The following ATR variants were observed in gnomAD, a reference collection of about 807,000 sequenced individuals.
ATR encodes serine/threonine-protein kinase ATR.
In ATR, 142 loss-of-function variants were observed where a neutral mutation model predicts 305.3. The ratio of observed to expected loss-of-function variants is 0.47; its 90% CI spans 0.41 to 0.53. The LOEUF (loss-of-function observed/expected upper bound fraction) is 0.53. ATR is among the 20% of genes least tolerant of loss of function. The pLI is 0.00. For missense variants in ATR, 2,135 were observed against 3,133.1 expected (o/e 0.68, Z 7.60); for synonymous variants, 1,050 against 1,068.1 (o/e 0.98, Z 0.33).
At chr3:142,504,064 T>C (rs899373242) in intron 29 of ATR, among the ~76,000 whole-genome samples, 1 of 152,238 alleles carries the variant, frequency 6.6e-6, no homozygotes, top group Admixed American at 6.5e-5. Flanking sequence ...AAAGAATTTA[T>C]ATATTGTGCT....
intron 36 of ATR, 143 bp from the exon 37 acceptor site, chr3:142,470,326 C>T (rs1404426634): frequency 1.9e-5 from 13 of 689,344 alleles, no homozygotes; most frequent in East Asian, 5.5e-5. Flanking sequence ...TTATTTTTGA[C>T]TCCTCTGTCT....
At position 142,550,167 on chromosome 3, in the gene ATR, C is replaced by T. The variant is rs369913351; in HGVS notation, c.2941G>A (p.Val981Ile). Residue 981 changes from valine to isoleucine, a missense_variant, in exon 14 of 47, where the codon GTT (valine) becomes ATT (isoleucine). Physicochemically the swap from Val to Ile is conservative, Grantham distance 29 (BLOSUM62 3). Around this residue, in one of 9 missense-constraint regions of ATR, gnomAD observed 530 missense variants for 766.8 expected, o/e 0.69. Transcript: ENST00000350721. Reference sequence around the variant, plus strand: ...CGATTAAGATCAGGAAAGTCGAAAACGTTGGCAATTTCAGACAACGTATTT... The same window carrying T: ...CGATTAAGATCAGGAAAGTCGAAAATGTTGGCAATTTCAGACAACGTATTT... Reference protein sequence around the residue: ...ALNTLSEIANVFDFPDLNRFL... With the variant: ...ALNTLSEIANIFDFPDLNRFL... The T allele has an allele frequency of 6.8e-6, 11 of 1,614,004 alleles. No individual in the cohort carries two copies. The highest frequency in any genetic ancestry group is 5.3e-5 in the African/African-American group (4 of 74,918).
chr3:142,544,452 C>CAAAAAAAAAAAAAAA (rs57120276), intron 16 of ATR, among the ~76,000 whole-genome samples: 279 of 18,994 alleles, frequency 0.015, 35 homozygotes, highest in Non-Finnish European at 0.021. Context: ...ATCCTGCCTC[C>CAAAAAAAAAAAAAAA]AAAAAAAAAA....
chr3:142,454,688 G>A (rs368653419), intron 45 of ATR, among the ~76,000 whole-genome samples: 2,730 of 152,050 alleles, frequency 0.018, 30 homozygotes, highest in South Asian at 0.041. Flanking sequence ...TGATCCGCCC[G>A]CCTCGGCCTC....
At chr3:142,570,522 G>A (rs534659155) in intron 1 of ATR, among the ~76,000 whole-genome samples, 4 of 152,266 alleles carry the variant, frequency 2.6e-5, no homozygotes, top group African/African-American at 9.6e-5. Context: ...GAGTAGCTGC[G>A]ATTACAAGCA....
At chr3:142,464,037 C>G (rs886228758) in intron 41 of ATR, among the ~76,000 whole-genome samples, 20 of 152,032 alleles carry the variant, frequency 1.3e-4, no homozygotes, top group African/African-American at 4.3e-4. Context: ...TTATAATAAC[C>G]CTTTAATAAG....
At chr3:142,509,953 T>G (rs959995322) in intron 27 of ATR, among the ~76,000 whole-genome samples, 1 of 151,578 alleles carries the variant, frequency 6.6e-6, no homozygotes, top group Admixed American at 6.6e-5. Context: ...CTGTCTCCAT[T>G]AAAATACAAA....
At chr3:142,451,314 CT>C in intron 46 of ATR, 1 of 1,255,978 alleles carries the variant, frequency 8.0e-7, no homozygotes, top group Middle Eastern at 3.3e-4. Flanking sequence ...TTTGCCTGTC[CT>C]TATGGCCAGT....
intron 23 of ATR, among the ~76,000 whole-genome samples, chr3:142,522,161 G>T (rs972914119): frequency 6.6e-5 from 10 of 152,246 alleles, no homozygotes; most frequent in Non-Finnish European, 1.3e-4. Context: ...ACTTGCGAAG[G>T]CTCAGAAGAT....
At chr3:142,470,206 C>T in intron 36 of ATR, 23 bp from the exon 37 acceptor site, 2 of 1,515,898 alleles carry the variant, frequency 1.3e-6, no homozygotes, top group Non-Finnish European at 1.8e-6. Context: ...AGACAAGAAA[C>T]ACTATTAGCA....
At chr3:142,492,804 A>G (rs1184649302) in intron 35 of ATR, among the ~76,000 whole-genome samples, 2 of 152,160 alleles carry the variant, frequency 1.3e-5, no homozygotes, top group Admixed American at 6.5e-5. Context: ...CCATCTATAT[A>G]AAGTTTAATA....
rs1280944835 is a variant in ATR at position 142,578,629 on chromosome 3, G to T, written c.59+17C>A. 2 of 1,609,904 alleles carry T rather than the reference G, an allele frequency of 1.2e-6. No individual in the cohort carries two copies. Among genetic ancestry groups the T allele is most frequent in the Non-Finnish European group, 1.7e-6 (2 of 1,178,264 alleles). On this transcript the variant is annotated intron_variant, in intron 1 of 46. Coordinates refer to ENST00000350721, the MANE Select transcript of ATR (RefSeq NM_001184.4). ...CAGCGGAGGAGGATGCAGGACCCAGGCTGGGCCTAGCCCTACCTGCCCAGC... is the reference window on the plus strand; with the variant it reads ...CAGCGGAGGAGGATGCAGGACCCAGTCTGGGCCTAGCCCTACCTGCCCAGC...
At chr3:142,490,317 A>G (rs2031202504) in intron 35 of ATR, among the ~76,000 whole-genome samples, 1 of 152,170 alleles carries the variant, frequency 6.6e-6, no homozygotes, top group Non-Finnish European at 1.5e-5. Flanking sequence ...CGGCCTCCCA[A>G]AGCACCGGGA....
At chr3:142,534,348 C>T (rs1294028602) in intron 21 of ATR, among the ~76,000 whole-genome samples, 5 of 152,066 alleles carry the variant, frequency 3.3e-5, no homozygotes. Flanking sequence ...TATACAAACT[C>T]ACTGCCCCAG....
At position 142,537,744 on chromosome 3, in the gene ATR, GA is replaced by G. The variant is rs543023006; in HGVS notation, c.3725+737del. Reference sequence around the variant, plus strand: ...ATATACAACATTAAGTAAAATCACAGAAAAAAAATTAAATATATAAAAAGAC... The same window carrying G: ...ATATACAACATTAAGTAAAATCACAGAAAAAAATTAAATATATAAAAAGAC... On this transcript the variant is annotated intron_variant, in intron 19 of 46. Transcript: ENST00000350721. Among the ~76,000 whole-genome samples the G allele has an allele frequency of 1.4e-3, 205 of 151,682 alleles. 1 individual carries two copies. Among genetic ancestry groups the G allele is most frequent in the Non-Finnish European group, 1.7e-3 (116 of 67,896 alleles).
At chr3:142,559,133 C>A in intron 7 of ATR, 118 bp downstream of exon 7, 1 of 1,109,306 alleles carries the variant, frequency 9.0e-7, no homozygotes, top group South Asian at 1.6e-5. Flanking sequence ...GAACTGAAAT[C>A]AGGAAAAAAC....
intron 31 of ATR, 33 bp from the exon 32 acceptor site, chr3:142,498,807 C>A (rs765458488): frequency 1.9e-6 from 3 of 1,606,166 alleles, no homozygotes; most frequent in Non-Finnish European, 2.6e-6. Flanking sequence ...AGAAATGTCA[C>A]GGTAGCTGGG....
intron 24 of ATR, among the ~76,000 whole-genome samples, chr3:142,517,760 G>C (rs1018024878): frequency 6.6e-6 from 1 of 152,090 alleles, no homozygotes; most frequent in Non-Finnish European, 1.5e-5. Flanking sequence ...ATGACAAGTA[G>C]GCAGAAATGT....
At chr3:142,457,484 TA>T in intron 45 of ATR, 119 bp downstream of exon 45, 1 of 1,163,538 alleles carries the variant, frequency 8.6e-7, no homozygotes, top group Non-Finnish European at 1.2e-6. Flanking sequence ...ATAAAGCTAT[TA>T]TTTAAAAAAA....
Sources: gnomAD v4.1 joint callset for allele counts (sites outside exome capture counted in the v4.1 genomes callset) on GRCh38, gnomAD v4.1.1 for gene constraint, gnomAD v4.1.1 regional missense constraint, MANE v1.5 for transcripts, NCBI Gene and HGNC (gene_info 2026-07-23, HGNC 2026-07-21) for gene names.